The following RPH3A variants were observed in gnomAD, a reference collection of about 807,000 sequenced individuals.
RPH3A encodes the protein rabphilin-3A.
Under a neutral mutation model 102.2 loss-of-function variants are expected in RPH3A, and 48 were observed. The ratio of observed to expected loss-of-function variants is 0.47; its 90% CI spans 0.37 to 0.60. RPH3A has a LOEUF of 0.60. Among genes scored for constraint, RPH3A ranks in the 20% least tolerant of loss-of-function variants. The probability of loss-of-function intolerance (pLI) is 0.00; values close to 1 mark genes in which losing one functional copy is unlikely to be tolerated. For missense variants in RPH3A, 781 were observed against 910.1 expected, an observed-to-expected ratio of 0.86 and a Z score of 1.83; for synonymous variants, 310 against 324.3, an observed-to-expected ratio of 0.96 and a Z score of 0.47.
At chr12:112,725,683 T>C (rs907024052) in intron 1 of RPH3A, among the ~76,000 whole-genome samples, 2 of 152,230 alleles carry the variant, frequency 1.3e-5, no homozygotes, top group Admixed American at 6.5e-5. Flanking sequence ...GAGAGACCCG[T>C]GATCAGATCG....
At chr12:112,862,905 A>T (rs1330521099) in intron 5 of RPH3A, among the ~76,000 whole-genome samples, 1 of 151,930 alleles carries the variant, frequency 6.6e-6, no homozygotes, top group Admixed American at 6.5e-5. Flanking sequence ...GGGCGCTGTG[A>T]CGCCCAAGTC....
intron 12 of RPH3A, 134 bp from the exon 13 acceptor site, chr12:112,876,508 G>A: frequency 1.6e-6 from 1 of 633,684 alleles, no homozygotes; most frequent in South Asian, 2.4e-5. Flanking sequence ...GTCAAACACA[G>A]ATCCCAAGGT....
intron 1 of RPH3A, among the ~76,000 whole-genome samples, chr12:112,747,343 G>A (rs1244257868): frequency 6.6e-6 from 1 of 152,122 alleles, no homozygotes; most frequent in African/African-American, 2.4e-5. Flanking sequence ...GTGAAAAGAC[G>A]GCCATTTATG....
rs546166247 is a variant in RPH3A, at chr12:112,684,558, A to G, written c.-139-107585A>G. Among the ~76,000 whole-genome samples the G allele has an allele frequency of 1.7e-4, 26 of 152,216 alleles. 1 individual carries two copies. In the East Asian group the frequency reaches 5.0e-3, roughly 29 times the overall value. On this transcript the variant is annotated intron_variant, in intron 1 of 21. Transcript: ENST00000543106. Reference sequence around the variant, plus strand: ...ACTGGAGTTACAGGCATGAGCAACCACACCTGGCCGAGAATATCTATTTTT... The same window carrying G: ...ACTGGAGTTACAGGCATGAGCAACCGCACCTGGCCGAGAATATCTATTTTT...
intron 2 of RPH3A, among the ~76,000 whole-genome samples, chr12:112,812,264 A>G (rs2041591435): frequency 6.6e-6 from 1 of 152,154 alleles, no homozygotes; most frequent in African/African-American, 2.4e-5. Flanking sequence ...TCTGAGGGAA[A>G]GGATGGCTCC....
chr12:112,800,936 G>C (rs1466657864), intron 2 of RPH3A, among the ~76,000 whole-genome samples: 1 of 152,108 alleles, frequency 6.6e-6, no homozygotes, highest in Non-Finnish European at 1.5e-5. Flanking sequence ...TAAAATGCAC[G>C]GTTCCCCTCT....
At chr12:112,870,878 C>T (rs772547263) in intron 10 of RPH3A, among the ~76,000 whole-genome samples, 9 of 152,282 alleles carry the variant, frequency 5.9e-5, no homozygotes, top group South Asian at 2.1e-4. Context: ...TCCTCAACAT[C>T]AGGAAGTATT....
chr12:112,759,597 G>T (rs142952964), intron 1 of RPH3A, among the ~76,000 whole-genome samples: 3 of 152,272 alleles, frequency 2.0e-5, no homozygotes, highest in Non-Finnish European at 4.4e-5. Flanking sequence ...TCCTGACCCT[G>T]GTCCACCTTG....
chr12:112,597,646 G>A (rs1371552745), intron 1 of RPH3A, among the ~76,000 whole-genome samples: 1 of 152,194 alleles, frequency 6.6e-6, no homozygotes, highest in Non-Finnish European at 1.5e-5. Flanking sequence ...AATCCTGGCT[G>A]GGAGTATGTA....
At chr12:112,864,375 C>T (rs560361895) in intron 5 of RPH3A, among the ~76,000 whole-genome samples, 2 of 148,406 alleles carry the variant, frequency 1.3e-5, no homozygotes, top group South Asian at 2.1e-4. Context: ...TGCTTGAACC[C>T]GGGAGGCAGA....
chr12:112,630,669 G>A (rs1380386088), intron 1 of RPH3A, among the ~76,000 whole-genome samples: 2 of 152,146 alleles, frequency 1.3e-5, no homozygotes, highest in Non-Finnish European at 2.9e-5. Context: ...GATTCTGGGC[G>A]GGGAACCAGT....
intron 2 of RPH3A, among the ~76,000 whole-genome samples, chr12:112,797,944 C>T (rs1184096317): frequency 6.6e-6 from 1 of 152,188 alleles, no homozygotes; most frequent in Non-Finnish European, 1.5e-5. Flanking sequence ...CTGCCTCGGC[C>T]TACCGAAGTG....
At chr12:112,649,162 T>G (rs953538529) in intron 1 of RPH3A, among the ~76,000 whole-genome samples, 2 of 152,254 alleles carry the variant, frequency 1.3e-5, no homozygotes, top group Non-Finnish European at 2.9e-5. Flanking sequence ...GGTTCTTTGA[T>G]GTAGAATAGA....
chr12:112,605,209 T>C (rs894286216), intron 1 of RPH3A, among the ~76,000 whole-genome samples: 2 of 152,078 alleles, frequency 1.3e-5, no homozygotes, highest in Admixed American at 1.3e-4. Context: ...ACCCCATCTC[T>C]ACCAAAAATA....
chr12:112,772,479 T>C (rs1170429721), intron 1 of RPH3A, among the ~76,000 whole-genome samples: 2 of 152,328 alleles, frequency 1.3e-5, no homozygotes, highest in East Asian at 3.9e-4. Context: ...AAGGGGGCTG[T>C]ATCATCCCCA....
intron 15 of RPH3A, among the ~76,000 whole-genome samples, chr12:112,883,079 G>C (rs908318265): frequency 1.3e-5 from 2 of 152,034 alleles, no homozygotes; most frequent in African/African-American, 4.8e-5. Context: ...GGAGGGAGAG[G>C]GGACCCAGTG....
intron 1 of RPH3A, among the ~76,000 whole-genome samples, chr12:112,621,404 A>G (rs1299338976): frequency 6.7e-6 from 1 of 149,852 alleles, no homozygotes; most frequent in Non-Finnish European, 1.5e-5. Context: ...GGGAAGCGCA[A>G]GGGGTCAGGG....
At chr12:112,825,098 G>A (rs2041844650) in intron 2 of RPH3A, among the ~76,000 whole-genome samples, 1 of 152,194 alleles carries the variant, frequency 6.6e-6, no homozygotes, top group African/African-American at 2.4e-5. Context: ...GGTCCTCCAG[G>A]TGGGGGGCTC....
At chr12:112,822,043 T>C (rs1276416052) in intron 2 of RPH3A, among the ~76,000 whole-genome samples, 3 of 152,050 alleles carry the variant, frequency 2.0e-5, no homozygotes, top group Non-Finnish European at 4.4e-5. Flanking sequence ...TGGACACTCG[T>C]GCTTCCCCCA....
Sources: gnomAD v4.1 joint callset for allele counts (sites outside exome capture counted in the v4.1 genomes callset) on GRCh38, gnomAD v4.1.1 for gene constraint, MANE v1.5 for transcripts, NCBI Gene and HGNC (gene_info 2026-07-23, HGNC 2026-07-21) for gene names.